PLCXD3: variants seen among roughly 807,000 people sequenced by gnomAD.
PLCXD3 encodes PI-PLC X domain-containing protein 3.
Under a neutral mutation model 25.5 loss-of-function variants are expected in PLCXD3, and 19 were observed. That is an observed-to-expected ratio of 0.75 (90% CI 0.52 to 1.09). PLCXD3 has a LOEUF of 1.09. Ranked by LOEUF, PLCXD3 falls within the 50% of genes least tolerant of loss-of-function variation. PLCXD3 has a pLI of 0.00. For synonymous variants in PLCXD3, 174 were observed against 137.6 expected (o/e 1.26, Z -1.85); for missense variants, 411 against 388.1 (o/e 1.06, Z -0.50).
chr5:41,421,779 G>A (rs1026724132), intron 1 of PLCXD3, among the ~76,000 whole-genome samples: 4 of 152,036 alleles, frequency 2.6e-5, no homozygotes, highest in African/African-American at 9.7e-5. Context: ...TTAAATATAC[G>A]CACATTTTAA....
At chr5:41,491,953 A>G (rs1748708009) in intron 1 of PLCXD3, among the ~76,000 whole-genome samples, 1 of 152,142 alleles carries the variant, frequency 6.6e-6, no homozygotes, top group Non-Finnish European at 1.5e-5. Flanking sequence ...TAATATTGTT[A>G]TGTATGAATT....
chr5:41,337,237 T>C (rs961430340), intron 2 of PLCXD3, among the ~76,000 whole-genome samples: 1 of 152,128 alleles, frequency 6.6e-6, no homozygotes, highest in African/African-American at 2.4e-5. Flanking sequence ...AAATGACTTA[T>C]TGTCAGTGAC....
intron 1 of PLCXD3, among the ~76,000 whole-genome samples, chr5:41,421,920 A>G (rs1356933583): frequency 6.6e-6 from 1 of 152,158 alleles, no homozygotes. Context: ...ATGTAACAAC[A>G]TGCTTTTCTT....
At chr5:41,349,660 G>C (rs750017) in intron 2 of PLCXD3, among the ~76,000 whole-genome samples, 3,931 of 152,272 alleles carry the variant, frequency 0.026, 162 homozygotes, top group African/African-American at 0.089. Flanking sequence ...TTGTACTTTG[G>C]AGGTTTAAAT....
At chr5:41,398,406 C>T (rs535164597) in intron 1 of PLCXD3, among the ~76,000 whole-genome samples, 1 of 152,212 alleles carries the variant, frequency 6.6e-6, no homozygotes, top group East Asian at 1.9e-4. Context: ...TGTAAGTTTC[C>T]TGAGGCCTCC....
chr5:41,487,121 T>C (rs1028428390), intron 1 of PLCXD3, among the ~76,000 whole-genome samples: 2 of 152,192 alleles, frequency 1.3e-5, no homozygotes, highest in Non-Finnish European at 2.9e-5. Flanking sequence ...TATATAAATA[T>C]AGAAATAAGA....
At chr5:41,474,833 G>T in intron 1 of PLCXD3, among the ~76,000 whole-genome samples, 1 of 152,262 alleles carries the variant, frequency 6.6e-6, no homozygotes, top group East Asian at 1.9e-4. Context: ...CATGTATCCT[G>T]TTGGCAAAGG....
intron 2 of PLCXD3, among the ~76,000 whole-genome samples, chr5:41,354,890 C>G (rs1050100836): frequency 6.6e-6 from 1 of 152,150 alleles, no homozygotes; most frequent in East Asian, 1.9e-4. Flanking sequence ...AAGGAAGGCC[C>G]CTTATAATAT....
chr5:41,351,170 T>G (rs1048695005), intron 2 of PLCXD3, among the ~76,000 whole-genome samples: 1 of 152,220 alleles, frequency 6.6e-6, no homozygotes, highest in African/African-American at 2.4e-5. Flanking sequence ...TTTGGATTTC[T>G]TAGATATTTA....
At chr5:41,427,484 C>G (rs969229392) in intron 1 of PLCXD3, among the ~76,000 whole-genome samples, 1 of 152,136 alleles carries the variant, frequency 6.6e-6, no homozygotes, top group Non-Finnish European at 1.5e-5. Context: ...CCTTTGGCTT[C>G]TAAACATTAT....
chr5:41,460,800 T>C (rs893255972), intron 1 of PLCXD3, among the ~76,000 whole-genome samples: 2 of 152,054 alleles, frequency 1.3e-5, no homozygotes, highest in African/African-American at 2.4e-5. Context: ...ATTTTAAAAT[T>C]CTTGCTTACG....
chr5:41,405,715 T>A (rs1380433187), intron 1 of PLCXD3, among the ~76,000 whole-genome samples: 2 of 152,152 alleles, frequency 1.3e-5, no homozygotes, highest in African/African-American at 4.8e-5. Flanking sequence ...GAGAACTACA[T>A]CCACTAATAA....
chr5:41,411,635 G>T (rs749653143), intron 1 of PLCXD3, among the ~76,000 whole-genome samples: 1 of 151,968 alleles, frequency 6.6e-6, no homozygotes, highest in Non-Finnish European at 1.5e-5. Flanking sequence ...ATTCTGAATA[G>T]TATCACCTTC....
At chr5:41,350,652 C>G (rs936461813) in intron 2 of PLCXD3, among the ~76,000 whole-genome samples, 2 of 152,108 alleles carry the variant, frequency 1.3e-5, no homozygotes, top group African/African-American at 4.8e-5. Context: ...TAATCAGGTG[C>G]AATTCTTTCC....
chr5:41,381,724 A>G (rs1745466025), intron 2 of PLCXD3, 102 bp downstream of exon 2: 10 of 1,065,510 alleles, frequency 9.4e-6, no homozygotes, highest in Non-Finnish European at 1.4e-5. Context: ...AGCCCCAGGG[A>G]CCTAATATAC....
intron 2 of PLCXD3, among the ~76,000 whole-genome samples, chr5:41,362,870 ATC>A (rs34529097): frequency 0.28 from 43,067 of 151,856 alleles, 7,293 homozygotes; most frequent in African/African-American, 0.47. Flanking sequence ...AACAAGTCGA[ATC>A]TCTCTCAACA....
At chr5:41,375,713 C>T (rs960903463) in intron 2 of PLCXD3, among the ~76,000 whole-genome samples, 1 of 152,056 alleles carries the variant, frequency 6.6e-6, no homozygotes, top group South Asian at 2.1e-4. Flanking sequence ...ACTCTGTCAC[C>T]AGCATAATTT....
intron 1 of PLCXD3, among the ~76,000 whole-genome samples, chr5:41,405,402 T>C (rs777424430): frequency 2.0e-5 from 3 of 152,160 alleles, no homozygotes; most frequent in Admixed American, 6.6e-5. Context: ...GTCTTTCTCC[T>C]GAATTCACAT....
intron 2 of PLCXD3, among the ~76,000 whole-genome samples, chr5:41,332,963 A>T (rs1053709713): frequency 6.6e-6 from 1 of 152,116 alleles, no homozygotes; most frequent in Non-Finnish European, 1.5e-5. Context: ...AGGAAGAGGG[A>T]GGGATAGCTT....
Sources: allele counts gnomAD v4.1 joint callset (sites outside exome capture counted in the v4.1 genomes callset), GRCh38; gene constraint gnomAD v4.1.1; transcripts MANE v1.5; gene names NCBI Gene and HGNC (gene_info 2026-07-23, HGNC 2026-07-21).